Variants in FAAH2 observed in about 807,000 individuals in gnomAD.
FAAH2 encodes fatty acid amide hydrolase 2.
In FAAH2, 60 loss-of-function variants were observed where a neutral mutation model predicts 36.9. The ratio of observed to expected loss-of-function variants is 1.63; its 90% CI spans 1.32 to 2.02. The LOEUF (loss-of-function observed/expected upper bound fraction) is 2.02, where lower values mean the gene tolerates loss of function less well. Ranked by LOEUF, FAAH2 falls within the 30% of genes most tolerant of loss-of-function variation. The probability of loss-of-function intolerance (pLI) is 0.00; values close to 1 mark genes in which losing one functional copy is unlikely to be tolerated. For missense variants in FAAH2, 689 were observed against 397.5 expected (o/e 1.73, Z -6.23); for synonymous variants, 214 against 143.8 (o/e 1.49, Z -3.49).
intron 7 of FAAH2, among the ~76,000 whole-genome samples, chrX:57,415,272 G>C (rs759435315): frequency 3.8e-4 from 42 of 110,966 alleles, no homozygotes; most frequent in Non-Finnish European, 6.4e-4. Context: ...GCTAGCTTTT[G>C]AATTTGTTTG....
At chrX:57,391,819 A>T (rs966494935) in intron 7 of FAAH2, among the ~76,000 whole-genome samples, 2 of 108,186 alleles carry the variant, frequency 1.8e-5, no homozygotes, top group African/African-American at 3.4e-5. Context: ...TTTTTGTTTT[A>T]TATGTATTCT....
At chrX:57,343,435 T>A (rs1442713378) in intron 5 of FAAH2, among the ~76,000 whole-genome samples, 1 of 111,752 alleles carries the variant, frequency 8.9e-6, no homozygotes, top group Non-Finnish European at 1.9e-5. Context: ...GAAGTGTCCA[T>A]TCATGTCATT....
At chrX:57,316,691 A>G (rs1157549512) in intron 3 of FAAH2, among the ~76,000 whole-genome samples, 2 of 111,415 alleles carry the variant, frequency 1.8e-5, no homozygotes, top group African/African-American at 3.3e-5. Context: ...CTGAATCTAC[A>G]CTCTTATCTT....
chrX:57,387,643 G>A (rs1266291255), intron 7 of FAAH2, among the ~76,000 whole-genome samples: 2 of 111,321 alleles, frequency 1.8e-5, no homozygotes, highest in Non-Finnish European at 3.8e-5. Flanking sequence ...TTGGTGGATA[G>A]ATCCCATAGC....
intron 5 of FAAH2, among the ~76,000 whole-genome samples, chrX:57,353,487 T>TA (rs3035714): frequency 0.076 from 6,396 of 83,763 alleles, 650 homozygotes; most frequent in African/African-American, 0.27. Context: ...CCCAAATTAT[T>TA]AAAAAAAAAA....
At chrX:57,461,825 C>A (rs1400312662) in intron 10 of FAAH2, among the ~76,000 whole-genome samples, 1 of 108,745 alleles carries the variant, frequency 9.2e-6, no homozygotes, top group Non-Finnish European at 1.9e-5. Context: ...GATAAAGACT[C>A]AAAAAAACTT....
At chrX:57,334,268 T>TCTCACACACACACACACACACA (rs753282666) in intron 4 of FAAH2, among the ~76,000 whole-genome samples, 3 of 85,709 alleles carry the variant, frequency 3.5e-5, no homozygotes, top group African/African-American at 8.2e-5. Flanking sequence ...AGATTCCGTC[T>TCTCACACACACACACACACACA]CACACACACA....
the FAAH2 span, among the ~76,000 whole-genome samples, chrX:57,143,673 T>C: frequency 1.8e-5 from 2 of 110,621 alleles, no homozygotes; most frequent in African/African-American, 3.3e-5. Flanking sequence ...ACAGGGGGTT[T>C]CTCCATGTTG....
chrX:57,176,318 AG>A, the FAAH2 span, among the ~76,000 whole-genome samples: 1 of 110,413 alleles, frequency 9.1e-6, no homozygotes, highest in Non-Finnish European at 1.9e-5. Flanking sequence ...TTAATTCAAA[AG>A]CTTTCTCTTT....
chrX:57,466,154 CTCTATATA>C (rs1203345959), intron 10 of FAAH2, among the ~76,000 whole-genome samples: 4 of 66,921 alleles, frequency 6.0e-5, no homozygotes, highest in Non-Finnish European at 1.1e-4. Context: ...CTCTCTCTCT[CTCTATATA>C]TATATATATA....
chrX:57,352,132 ATATGTGTATATATATG>A (rs2054037388), intron 5 of FAAH2, among the ~76,000 whole-genome samples: 5 of 75,379 alleles, frequency 6.6e-5, no homozygotes, highest in East Asian at 4.2e-4. Context: ...ACATATATAT[ATATGTGTATATATATG>A]CACATATATA....
At chrX:57,190,008 C>T in the FAAH2 span, among the ~76,000 whole-genome samples, 1 of 112,058 alleles carries the variant, frequency 8.9e-6, no homozygotes, top group African/African-American at 3.2e-5. Context: ...CCCACAGCTG[C>T]CCCTTTCCCC....
chrX:57,427,663 C>T (rs2056195450), intron 7 of FAAH2, among the ~76,000 whole-genome samples: 1 of 111,547 alleles, frequency 9.0e-6, no homozygotes, highest in South Asian at 3.7e-4. Context: ...GCCATATGAT[C>T]ATCTCCATAG....
chrX:57,328,412 T>C (rs1195871853), intron 3 of FAAH2, among the ~76,000 whole-genome samples: 1 of 112,106 alleles, frequency 8.9e-6, no homozygotes, highest in Non-Finnish European at 1.9e-5. Flanking sequence ...ATCAGGTTGA[T>C]TGTGTTTTTT....
Position 57,331,662 on chromosome X carries a change from G to T in FAAH2, c.477G>T (p.Val159=). 5.0e-6 allele frequency: 6 copies of T among 1,210,462 alleles called. No individual in the cohort carries two copies. The highest frequency in any genetic ancestry group is 6.7e-6 in the Non-Finnish European group (6 of 894,253). Residue 159 remains valine, a synonymous_variant, in exon 4 of 11, where the codon GTG becomes GTT. Coordinates refer to ENST00000374900, the MANE Select transcript of FAAH2 (RefSeq NM_174912.4). The part of the protein sequence containing the change: ...RDAIAKTDAT[V]VALLKGAGAI... ...CCATTGCCAAAACAGATGCCACTGTGGTGGCATTACTGAAGGGAGCTGGTG... is the reference window on the plus strand; with the variant it reads ...CCATTGCCAAAACAGATGCCACTGTTGTGGCATTACTGAAGGGAGCTGGTG...
the FAAH2 span, among the ~76,000 whole-genome samples, chrX:57,169,869 AACACACAC>A: frequency 9.8e-6 from 1 of 101,681 alleles, no homozygotes; most frequent in Admixed American, 1.1e-4. Context: ...TCTCCTTCTA[AACACACAC>A]ACACACACAC....
the FAAH2 span, among the ~76,000 whole-genome samples, chrX:57,208,816 G>T: frequency 3.8e-4 from 43 of 112,188 alleles, no homozygotes; most frequent in East Asian, 6.5e-3. Context: ...GTTATCTGCA[G>T]CAGGAACACG....
the FAAH2 span, among the ~76,000 whole-genome samples, chrX:57,168,743 T>C: frequency 1.8e-5 from 2 of 112,096 alleles, no homozygotes; most frequent in Non-Finnish European, 3.8e-5. Flanking sequence ...GCTCCACTCA[T>C]CTTCAAAGGT....
At chrX:57,369,256 T>C (rs1477128963) in intron 5 of FAAH2, among the ~76,000 whole-genome samples, 1 of 111,064 alleles carries the variant, frequency 9.0e-6, no homozygotes, top group African/African-American at 3.3e-5. Context: ...TCAAACAAAC[T>C]TCTGCATTCT....
Sources: allele counts gnomAD v4.1 joint callset (sites outside exome capture counted in the v4.1 genomes callset), GRCh38; gene constraint gnomAD v4.1.1; transcripts MANE v1.5; gene names NCBI Gene and HGNC (gene_info 2026-07-23, HGNC 2026-07-21).